The following ALK variants were observed in gnomAD, a reference collection of about 807,000 sequenced individuals.
ALK encodes the protein ALK receptor tyrosine kinase.
In ALK, 74 loss-of-function variants were observed where a neutral mutation model predicts 163.1. The ratio of observed to expected loss-of-function variants is 0.45; its 90% confidence interval spans 0.38 to 0.55. The LOEUF is 0.55. ALK is among the 20% of genes least tolerant of loss of function. The pLI is 0.00. For synonymous variants in ALK, 960 were observed against 843.2 expected (o/e 1.14, Z -2.40); for missense variants, 2,063 against 2,105.3 (o/e 0.98, Z 0.39).
At chr2:29,678,758 A>C (rs1414119427) in intron 3 of ALK, among the ~76,000 whole-genome samples, 1 of 151,548 alleles carries the variant, frequency 6.6e-6, no homozygotes, top group Non-Finnish European at 1.5e-5. Flanking sequence ...ATAATTTTAT[A>C]CTTGTATAAT....
At chr2:29,197,408 T>C in intron 27 of ALK, 134 bp downstream of exon 27, 1 of 1,344,706 alleles carries the variant, frequency 7.4e-7, no homozygotes, top group African/African-American at 1.5e-5. Flanking sequence ...GCAGTCACAT[T>C]CGCATCTTGG....
rs148922915 is a variant in ALK at position 29,451,046 on chromosome 2, G to A, written c.1155-67187C>T. On this transcript the variant is annotated intron_variant, in intron 4 of 28. Transcript: ENST00000389048. ...ACACAAAGAGTGCCTGTTTTTCAAC[G>A]AGCTTAATTACATCCTGTGGGTCTG... Among the ~76,000 whole-genome samples the A allele has an allele frequency of 9.1e-3, 1,378 of 152,204 alleles. 20 individuals are homozygous for A. The highest frequency in any genetic ancestry group is 0.03 in the African/African-American group (1,262 of 41,522).
chr2:29,825,631 G>A (rs750538297), intron 1 of ALK, among the ~76,000 whole-genome samples: 20 of 152,144 alleles, frequency 1.3e-4, no homozygotes, highest in Non-Finnish European at 2.6e-4. Flanking sequence ...ACTTCTAAAG[G>A]AATCCTAGAG....
intron 4 of ALK, among the ~76,000 whole-genome samples, chr2:29,506,770 T>C (rs1220005781): frequency 6.6e-6 from 1 of 151,056 alleles, no homozygotes; most frequent in Admixed American, 6.6e-5. Context: ...AAAAAAAAGT[T>C]AAGCAGGATT....
At chr2:29,917,342 T>C (rs1667861500) in intron 1 of ALK, among the ~76,000 whole-genome samples, 1 of 152,212 alleles carries the variant, frequency 6.6e-6, no homozygotes, top group Non-Finnish European at 1.5e-5. Flanking sequence ...TTTCCTTCTG[T>C]ATAATTGAAG....
At chr2:29,613,776 A>G (rs1268052741) in intron 3 of ALK, among the ~76,000 whole-genome samples, 1 of 152,218 alleles carries the variant, frequency 6.6e-6, no homozygotes, top group African/African-American at 2.4e-5. Context: ...ATGGCTTTAC[A>G]TACTGCCAGA....
chr2:29,629,798 T>G (rs2148236037), intron 3 of ALK, among the ~76,000 whole-genome samples: 1 of 152,214 alleles, frequency 6.6e-6, no homozygotes, highest in South Asian at 2.1e-4. Flanking sequence ...ATTTTACAGG[T>G]CAAAGCAGTA....
chr2:29,751,151 G>C (rs2148330996), intron 1 of ALK, among the ~76,000 whole-genome samples: 1 of 152,228 alleles, frequency 6.6e-6, no homozygotes, highest in African/African-American at 2.4e-5. Context: ...TGGTACACCT[G>C]TATAGGGCAT....
intron 4 of ALK, among the ~76,000 whole-genome samples, chr2:29,497,201 G>C (rs1672051229): frequency 6.6e-6 from 1 of 152,226 alleles, no homozygotes; most frequent in African/African-American, 2.4e-5. Context: ...GAACCTGGGA[G>C]ACGGAGGTTG....
In ALK at chr2:29,227,646, G is replaced by A. The variant is rs764482518; in HGVS notation, c.2842C>T (p.Pro948Ser). The part of the protein sequence containing the change: ...IGGNAASNND[P>S]EMDGEDGVSF... ...ACCCCATCTTCCCCATCCATTTCGGGGTCATTGTTTGAGGCTGCATTGCCG... is the reference window on the plus strand; with the variant it reads ...ACCCCATCTTCCCCATCCATTTCGGAGTCATTGTTTGAGGCTGCATTGCCG... The change falls in exon 17 of 29, where the codon CCC (proline) becomes TCC (serine). Residue 948 changes from proline to serine, a missense_variant. Pro to Ser is a moderately conservative substitution (Grantham distance 74, BLOSUM62 -1). Around this residue, in one of 5 missense-constraint regions of ALK, gnomAD observed 575 missense variants for 626.6 expected, o/e 0.92. Coordinates refer to ENST00000389048, the MANE Select transcript of ALK (RefSeq NM_004304.5). This position sits in a 1 kb window ranked among gnomAD's most constrained non-coding sequence, Gnocchi z 4.4. 6.2e-7 allele frequency: 1 copy of A among 1,613,978 alleles called. No individual in the cohort carries two copies. Among genetic ancestry groups the A allele is most frequent in the Non-Finnish European group, 8.5e-7 (1 of 1,180,020 alleles).
At chr2:29,208,033 T>C in intron 25 of ALK, 1 of 453,236 alleles carries the variant, frequency 2.2e-6, no homozygotes, top group East Asian at 7.0e-5. Flanking sequence ...ATATTTAGTA[T>C]GTATCAGGTA....
At chr2:29,778,427 TGGA>T (rs1273657156) in intron 1 of ALK, among the ~76,000 whole-genome samples, 1 of 152,228 alleles carries the variant, frequency 6.6e-6, no homozygotes. Flanking sequence ...ATGCTAAATT[TGGA>T]GAAGATGACT....
chr2:29,367,781 G>T (rs970075114), intron 5 of ALK, among the ~76,000 whole-genome samples: 4 of 152,192 alleles, frequency 2.6e-5, no homozygotes, highest in African/African-American at 9.7e-5. Flanking sequence ...ATTGGCAGGG[G>T]AGAATCTAGA....
At chr2:29,721,643 GA>G (rs1679425518) in intron 1 of ALK, among the ~76,000 whole-genome samples, 1 of 152,184 alleles carries the variant, frequency 6.6e-6, no homozygotes, top group African/African-American at 2.4e-5. Flanking sequence ...TGTTGTAAAG[GA>G]TAACAGTTTA....
chr2:29,896,115 C>G (rs538072078), intron 1 of ALK, among the ~76,000 whole-genome samples: 1 of 152,172 alleles, frequency 6.6e-6, no homozygotes, highest in South Asian at 2.1e-4. Flanking sequence ...ACAAAAAGAG[C>G]TCCTACAAGG....
chr2:29,575,014 C>T (rs1246644023), intron 3 of ALK, among the ~76,000 whole-genome samples: 1 of 152,188 alleles, frequency 6.6e-6, no homozygotes, highest in African/African-American at 2.4e-5. Flanking sequence ...CAGCTGCAAA[C>T]ACAGCCCCGT....
At chr2:29,422,040 G>T (rs1670028205) in intron 4 of ALK, among the ~76,000 whole-genome samples, 1 of 151,474 alleles carries the variant, frequency 6.6e-6, no homozygotes, top group Non-Finnish European at 1.5e-5. Context: ...ACTCCATTTT[G>T]ATAAAGCCTC....
chr2:29,896,157 C>A (rs1420258123), intron 1 of ALK, among the ~76,000 whole-genome samples: 1 of 152,164 alleles, frequency 6.6e-6, no homozygotes, highest in Non-Finnish European at 1.5e-5. Context: ...GAGCACAAAG[C>A]CCTTGTGTGG....
intron 3 of ALK, among the ~76,000 whole-genome samples, chr2:29,578,577 GC>G (rs748009272): frequency 6.6e-6 from 1 of 152,158 alleles, no homozygotes; most frequent in Non-Finnish European, 1.5e-5. Flanking sequence ...GGGTAGGGGG[GC>G]TCCCATGTGA....
Sources: gnomAD v4.1 joint callset for allele counts (sites outside exome capture counted in the v4.1 genomes callset) on GRCh38, gnomAD v4.1.1 for gene constraint, gnomAD v4.1.1 regional missense constraint, Gnocchi (gnomAD v3.1) non-coding constraint, MANE v1.5 for transcripts, NCBI Gene and HGNC (gene_info 2026-07-23, HGNC 2026-07-21) for gene names.